The following DCC variants were observed in gnomAD, a reference collection of about 807,000 sequenced individuals.
DCC encodes DCC netrin 1 receptor, also known as netrin receptor DCC.
A neutral mutation model predicts 172.5 loss-of-function variants in DCC; 58 were observed. The observed-to-expected ratio is 0.34, with a 90% CI of 0.27 to 0.42. DCC has a LOEUF of 0.42. Among genes scored for constraint, DCC ranks in the 10% least tolerant of loss-of-function variants. The pLI, the probability that DCC is intolerant of heterozygous loss-of-function variation, is 1.00. For synonymous variants in DCC, 709 were observed against 644.5 expected, an observed-to-expected ratio of 1.10 and a Z score of -1.52; for missense variants, 1,740 against 1,791.0, an observed-to-expected ratio of 0.97 and a Z score of 0.51.
chr18:52,882,661 A>G (rs2039504235), intron 2 of DCC, among the ~76,000 whole-genome samples: 1 of 152,106 alleles, frequency 6.6e-6, no homozygotes, highest in South Asian at 2.1e-4. Flanking sequence ...AAATGTTTTA[A>G]AACTTGTGAC....
intron 1 of DCC, among the ~76,000 whole-genome samples, chr18:52,388,017 C>A (rs149903885): frequency 6.6e-6 from 1 of 151,998 alleles, no homozygotes; most frequent in Non-Finnish European, 1.5e-5. Flanking sequence ...CATGGGCATA[C>A]TAATCACATC....
chr18:52,841,551 A>G (rs887540945), intron 2 of DCC, among the ~76,000 whole-genome samples: 1 of 152,166 alleles, frequency 6.6e-6, no homozygotes, highest in African/African-American at 2.4e-5. Flanking sequence ...AGAAGTGACA[A>G]TGAACTGGGA....
intron 2 of DCC, among the ~76,000 whole-genome samples, chr18:52,891,507 T>G (rs776497812): frequency 6.6e-6 from 1 of 152,094 alleles, no homozygotes; most frequent in Admixed American, 6.6e-5. Context: ...GGGGTCAACC[T>G]CTCTAACCTT....
At chr18:53,014,187 A>G (rs1338064394) in intron 5 of DCC, among the ~76,000 whole-genome samples, 14 of 152,200 alleles carry the variant, frequency 9.2e-5, no homozygotes. Flanking sequence ...GATCATTGTA[A>G]GTAATTAGAT....
At chr18:52,508,207 T>C (rs1040766947) in intron 1 of DCC, among the ~76,000 whole-genome samples, 66 of 152,304 alleles carry the variant, frequency 4.3e-4, no homozygotes, top group African/African-American at 1.5e-3. Flanking sequence ...CTGTTATGTC[T>C]CATTCTGCTT....
intron 11 of DCC, among the ~76,000 whole-genome samples, chr18:53,211,606 C>A (rs1326730461): frequency 1.3e-5 from 2 of 152,092 alleles, no homozygotes; most frequent in African/African-American, 4.8e-5. Context: ...CGCCTGTAGT[C>A]CCAGCTACTC....
chr18:52,664,578 C>G (rs945481787), intron 1 of DCC, among the ~76,000 whole-genome samples: 1 of 143,390 alleles, frequency 7.0e-6, no homozygotes, highest in African/African-American at 2.6e-5. Flanking sequence ...TCACGCCATT[C>G]TCCTGCCTCA....
chr18:52,551,237 TG>T (rs2032762037), intron 1 of DCC, among the ~76,000 whole-genome samples: 5 of 151,978 alleles, frequency 3.3e-5, no homozygotes. Flanking sequence ...TTAATTGAAA[TG>T]TCAGCCCTGT....
At chr18:53,282,700 T>C (rs1358363717) in intron 12 of DCC, among the ~76,000 whole-genome samples, 1 of 152,168 alleles carries the variant, frequency 6.6e-6, no homozygotes. Flanking sequence ...TTAAAAAGAT[T>C]CATGTTTTTT....
chr18:53,171,640 T>A (rs2055015321), intron 8 of DCC, among the ~76,000 whole-genome samples: 1 of 152,210 alleles, frequency 6.6e-6, no homozygotes, highest in African/African-American at 2.4e-5. Context: ...TTTCATTTCA[T>A]GATCTTGGAC....
At chr18:53,514,633 C>T (rs2046310445) in intron 27 of DCC, among the ~76,000 whole-genome samples, 1 of 152,162 alleles carries the variant, frequency 6.6e-6, no homozygotes, top group Admixed American at 6.5e-5. Context: ...ACTGATCCCA[C>T]AGAAATACAA....
intron 2 of DCC, among the ~76,000 whole-genome samples, chr18:52,776,828 A>C (rs2037443755): frequency 6.6e-6 from 1 of 152,206 alleles, no homozygotes; most frequent in Non-Finnish European, 1.5e-5. Context: ...TAGTTATTTA[A>C]ACATTCAAAC....
chr18:52,817,931 T>C (rs1321156595), intron 2 of DCC, among the ~76,000 whole-genome samples: 1 of 152,228 alleles, frequency 6.6e-6, no homozygotes, highest in Non-Finnish European at 1.5e-5. Context: ...CATACTATGC[T>C]AAGTGGATTG....
At position 52,439,174 on chromosome 18, in the gene DCC, T is replaced by TTTTG. The variant is rs74178668; in HGVS notation, c.91+98297_91+98298insTTGT. Reference sequence around the variant, plus strand: ...CTGTTAATATTTTGGAAGATATGTTTTGTGTGTGTGTGTGTGTGTGTGTGT... The same window carrying TTTTG: ...CTGTTAATATTTTGGAAGATATGTTTTTTGTGTGTGTGTGTGTGTGTGTGTGTGT... On this transcript the variant is annotated intron_variant, in intron 1 of 28. Coordinates refer to ENST00000442544, the MANE Select transcript of DCC (RefSeq NM_005215.4). Among the ~76,000 whole-genome samples the TTTTG allele has an allele frequency of 8.0e-3, 1,164 of 144,852 alleles. 48 individuals carry two copies. Among genetic ancestry groups the TTTTG allele is most frequent in the Admixed American group, 0.058 (841 of 14,462 alleles).
chr18:53,298,238 T>C (rs190277541), intron 12 of DCC, among the ~76,000 whole-genome samples: 128 of 152,150 alleles, frequency 8.4e-4, no homozygotes, highest in African/African-American at 2.7e-3. Flanking sequence ...GAGATTCAGA[T>C]CACTTATTAG....
intron 23 of DCC, among the ~76,000 whole-genome samples, chr18:53,451,257 A>G (rs1468381130): frequency 3.3e-5 from 5 of 152,232 alleles, no homozygotes; most frequent in Non-Finnish European, 7.3e-5. Context: ...GGCTTTAAGA[A>G]TATTTTCATA....
chr18:52,687,282 C>A (rs78403349), intron 1 of DCC, among the ~76,000 whole-genome samples: 1 of 119,516 alleles, frequency 8.4e-6, no homozygotes, highest in African/African-American at 3.4e-5. Flanking sequence ...TTTTCTTTTT[C>A]CTTTTTTTTT....
In DCC at chr18:53,227,059, C is replaced by T. The variant is rs530986105; in HGVS notation, c.1911+11462C>T. On this transcript the variant is annotated intron_variant, in intron 12 of 28. Transcript: ENST00000442544. ...CTGCCTCCTGGGTTCAAGTGATTCT[C>T]CTGCCTTAGCCTCCCGAGTAGCTGG... is the stretch of plus-strand genomic sequence containing the variant. 9.4e-5 allele frequency among the ~76,000 whole-genome samples: 14 copies of T among 149,204 alleles called. No individual in the cohort carries two copies. The South Asian group carries it at 1.1e-3, about 11-fold the overall frequency.
At chr18:53,123,522 A>G (rs758836501) in intron 7 of DCC, among the ~76,000 whole-genome samples, 2 of 152,068 alleles carry the variant, frequency 1.3e-5, no homozygotes, top group African/African-American at 2.4e-5. Context: ...TCTATGTGCA[A>G]CCAGCCTTAT....
Sources: allele counts gnomAD v4.1 joint callset (sites outside exome capture counted in the v4.1 genomes callset), GRCh38; gene constraint gnomAD v4.1.1; transcripts MANE v1.5; gene names NCBI Gene and HGNC (gene_info 2026-07-23, HGNC 2026-07-21).